UBE2K: variants seen among roughly 807,000 people sequenced by gnomAD.
The protein encoded by UBE2K is ubiquitin-conjugating enzyme E2 K.
A neutral mutation model predicts 30.0 loss-of-function variants in UBE2K; 6 were observed. That is an observed-to-expected ratio of 0.20 (90% CI 0.11 to 0.39). The LOEUF is 0.39. Ranked by LOEUF, UBE2K falls within the 10% of genes least tolerant of loss-of-function variation. UBE2K has a pLI of 1.00. For synonymous variants in UBE2K, 86 were observed against 83.7 expected (o/e 1.03, Z -0.15); for missense variants, 61 against 241.6 (o/e 0.25, Z 4.96).
At chr4:39,720,425 TTTTA>T (rs1308851489) in intron 1 of UBE2K, among the ~76,000 whole-genome samples, 2 of 152,224 alleles carry the variant, frequency 1.3e-5, no homozygotes, top group South Asian at 2.1e-4. Flanking sequence ...ACTTTACATT[TTTTA>T]TTTATTCACA....
chr4:39,705,195 T>G (rs928703469), intron 1 of UBE2K, among the ~76,000 whole-genome samples: 2 of 84,486 alleles, frequency 2.4e-5, no homozygotes, highest in Non-Finnish European at 5.2e-5. Flanking sequence ...TGCACCTGGG[T>G]TTTTTTTTTT....
chr4:39,729,251 G>A (rs183143577), intron 1 of UBE2K, among the ~76,000 whole-genome samples: 70 of 152,136 alleles, frequency 4.6e-4, no homozygotes, highest in Non-Finnish European at 6.9e-4. Context: ...TATTACAGGC[G>A]TGAGCCATGG....
intron 4 of UBE2K, among the ~76,000 whole-genome samples, chr4:39,768,765 G>C (rs1006477351): frequency 1.3e-5 from 2 of 152,020 alleles, no homozygotes; most frequent in East Asian, 1.9e-4. Context: ...AGTGTGCGAG[G>C]GTTTCCTTTC....
At chr4:39,771,447 G>T in intron 4 of UBE2K, 1 of 1,584,576 alleles carries the variant, frequency 6.3e-7, no homozygotes, top group Non-Finnish European at 8.6e-7. Flanking sequence ...TGTGGCGGGG[G>T]TGGGCAACCC....
intron 1 of UBE2K, among the ~76,000 whole-genome samples, chr4:39,713,359 C>G (rs1718825729): frequency 8.2e-6 from 1 of 122,258 alleles, no homozygotes; most frequent in Non-Finnish European, 1.6e-5. Flanking sequence ...CAGGGTTTCG[C>G]TTTGTTAGCC....
At chr4:39,731,519 C>T (rs1720073649) in intron 1 of UBE2K, among the ~76,000 whole-genome samples, 1 of 151,842 alleles carries the variant, frequency 6.6e-6, no homozygotes, top group Non-Finnish European at 1.5e-5. Flanking sequence ...GTCTCTAGTA[C>T]AAATACAAAA....
intron 2 of UBE2K, among the ~76,000 whole-genome samples, chr4:39,738,324 G>A (rs1219195609): frequency 1.3e-5 from 2 of 152,002 alleles, no homozygotes; most frequent in African/African-American, 4.8e-5. Context: ...TAAATACAAC[G>A]ATTGCTGTTT....
intron 1 of UBE2K, among the ~76,000 whole-genome samples, chr4:39,723,932 C>T (rs1227192256): frequency 6.6e-6 from 1 of 152,130 alleles, no homozygotes; most frequent in East Asian, 1.9e-4. Context: ...CCTGCCTCAG[C>T]CTCCCAGGTA....
intron 1 of UBE2K, among the ~76,000 whole-genome samples, chr4:39,711,793 T>C (rs1578420857): frequency 6.6e-6 from 1 of 151,826 alleles, no homozygotes; most frequent in Middle Eastern, 3.4e-3. Flanking sequence ...ATCCCAGCAC[T>C]TTAGGAGGCA....
At chr4:39,737,306 C>T (rs1047886400) in intron 1 of UBE2K, 114 bp from the exon 2 acceptor site, 2 of 531,090 alleles carry the variant, frequency 3.8e-6, no homozygotes, top group Non-Finnish European at 3.3e-6. Flanking sequence ...ACTTATTTTA[C>T]TAGAGCAGAT....
chr4:39,770,403 C>A, intron 4 of UBE2K: 1 of 1,613,056 alleles, frequency 6.2e-7, no homozygotes, highest in Non-Finnish European at 8.5e-7. Flanking sequence ...GTGCTGCTGC[C>A]GCATGTGGAA....
At chr4:39,700,089 A>G (rs1262690650) in intron 1 of UBE2K, among the ~76,000 whole-genome samples, 1 of 152,118 alleles carries the variant, frequency 6.6e-6, no homozygotes, top group Non-Finnish European at 1.5e-5. Context: ...AACTTAATAG[A>G]CTTTTAATGC....
intron 4 of UBE2K, among the ~76,000 whole-genome samples, chr4:39,761,897 C>T (rs888158623): frequency 6.6e-6 from 1 of 151,434 alleles, no homozygotes; most frequent in African/African-American, 2.4e-5. Context: ...GGTTGCTGGC[C>T]GGATGTGGTG....
intron 4 of UBE2K, chr4:39,771,210 G>C: frequency 2.5e-6 from 4 of 1,612,638 alleles, no homozygotes; most frequent in Non-Finnish European, 3.4e-6. Context: ...TGCGTGCACT[G>C]TGCATCAGGG....
At chr4:39,709,699 A>G (rs1718567585) in intron 1 of UBE2K, among the ~76,000 whole-genome samples, 1 of 152,174 alleles carries the variant, frequency 6.6e-6, no homozygotes, top group African/African-American at 2.4e-5. Flanking sequence ...ACAAAGGAAT[A>G]TATGTGGGCT....
At position 39,778,353 on chromosome 4, in the gene UBE2K, T is replaced by C; in HGVS notation, c.529-7T>C. On this transcript the variant is annotated splice_polypyrimidine_tract_variant and splice_region_variant and intron_variant, in intron 6 of 6. Coordinates refer to ENST00000261427, the MANE Select transcript of UBE2K (RefSeq NM_005339.5). Reference sequence around the variant, plus strand: ...TTTAATTTCCTGTCCCCTTTTCTTCTCTACAGAATGCAGTAATAGTGGCCT... The same window carrying C: ...TTTAATTTCCTGTCCCCTTTTCTTCCCTACAGAATGCAGTAATAGTGGCCT... 6.3e-7 allele frequency: 1 copy of C among 1,594,950 alleles called. No homozygotes were observed. The highest frequency in any genetic ancestry group is 8.6e-7 in the Non-Finnish European group (1 of 1,165,728).
intron 3 of UBE2K, among the ~76,000 whole-genome samples, chr4:39,750,270 G>A (rs1173430745): frequency 1.3e-5 from 2 of 152,154 alleles, no homozygotes; most frequent in Non-Finnish European, 2.9e-5. Context: ...GTTACAGATG[G>A]AAATATGAAC....
chr4:39,756,295 T>C (rs2109376255), intron 4 of UBE2K, among the ~76,000 whole-genome samples: 1 of 152,340 alleles, frequency 6.6e-6, no homozygotes. Flanking sequence ...ACATCTTGGC[T>C]CTCCAGTTTA....
chr4:39,762,219 ATTTAT>A (rs1044096732), intron 4 of UBE2K, among the ~76,000 whole-genome samples: 5 of 148,488 alleles, frequency 3.4e-5, no homozygotes, highest in African/African-American at 7.4e-5. Context: ...AAATCTTGAA[ATTTAT>A]TTTATTTATT....
Sources: gnomAD v4.1 joint callset for allele counts (sites outside exome capture counted in the v4.1 genomes callset) on GRCh38, gnomAD v4.1.1 for gene constraint, MANE v1.5 for transcripts, NCBI Gene and HGNC (gene_info 2026-07-23, HGNC 2026-07-21) for gene names.